MIPOL1: variants seen among roughly 807,000 people sequenced by gnomAD.
MIPOL1 encodes the protein mirror-image polydactyly 1, also known as mirror-image polydactyly gene 1 protein.
MIPOL1 carries 57 observed loss-of-function variants against 60.9 expected under a neutral mutation model. That is an observed-to-expected ratio of 0.94 (90% CI 0.76 to 1.17). MIPOL1 has a LOEUF of 1.17. Among genes scored for constraint, MIPOL1 ranks in the 50% most tolerant of loss-of-function variants. MIPOL1 has a pLI of 0.00. For missense variants in MIPOL1, 551 were observed against 511.6 expected (o/e 1.08, Z -0.74); for synonymous variants, 179 against 168.8 (o/e 1.06, Z -0.47).
chr14:37,440,686 A>G (rs1456126385), intron 11 of MIPOL1, among the ~76,000 whole-genome samples: 2 of 152,180 alleles, frequency 1.3e-5, no homozygotes, highest in Non-Finnish European at 2.9e-5. Flanking sequence ...TGATGGACAC[A>G]TAGGTTGACT....
intron 9 of MIPOL1, among the ~76,000 whole-genome samples, chr14:37,367,216 T>C (rs1411195920): frequency 6.6e-6 from 1 of 151,942 alleles, no homozygotes; most frequent in African/African-American, 2.4e-5. Flanking sequence ...CAGAGTTTAA[T>C]AAAAGTAAAA....
intron 1 of MIPOL1, among the ~76,000 whole-genome samples, chr14:37,226,993 C>T (rs969095599): frequency 1.3e-5 from 2 of 152,042 alleles, no homozygotes; most frequent in African/African-American, 4.8e-5. Context: ...TTGTAAGAAG[C>T]TGAAAATGTC....
At chr14:37,394,335 C>T (rs926759078) in intron 10 of MIPOL1, among the ~76,000 whole-genome samples, 1 of 151,604 alleles carries the variant, frequency 6.6e-6, no homozygotes, top group Non-Finnish European at 1.5e-5. Flanking sequence ...AAGGAATTTT[C>T]ACGCTGTTTT....
At chr14:37,200,204 C>T (rs1389190595) in intron 1 of MIPOL1, among the ~76,000 whole-genome samples, 1 of 152,178 alleles carries the variant, frequency 6.6e-6, no homozygotes, top group Non-Finnish European at 1.5e-5. Context: ...GTGTGAAGCT[C>T]GGACTACCTG....
chr14:37,436,730 C>T (rs886669851), intron 11 of MIPOL1, among the ~76,000 whole-genome samples: 2 of 152,276 alleles, frequency 1.3e-5, no homozygotes, highest in African/African-American at 2.4e-5. Flanking sequence ...GTCAGATATC[C>T]GGGACTTAAC....
intron 10 of MIPOL1, among the ~76,000 whole-genome samples, chr14:37,378,069 T>G (rs1196331163): frequency 6.6e-6 from 1 of 152,100 alleles, no homozygotes; most frequent in Admixed American, 6.6e-5. Flanking sequence ...GTGGAGAAAT[T>G]GAATCTTTCA....
chr14:37,310,290 A>C (rs1363623481), intron 9 of MIPOL1, among the ~76,000 whole-genome samples: 1 of 152,050 alleles, frequency 6.6e-6, no homozygotes, highest in African/African-American at 2.4e-5. Flanking sequence ...ACCAACTATT[A>C]ATATATTCAG....
chr14:37,204,060 A>T (rs1003977018), intron 1 of MIPOL1, among the ~76,000 whole-genome samples: 8 of 151,792 alleles, frequency 5.3e-5, no homozygotes, highest in African/African-American at 1.9e-4. Flanking sequence ...GGGATTACAG[A>T]CGTGAGCCAC....
At chr14:37,340,693 C>CA (rs34138949) in intron 9 of MIPOL1, among the ~76,000 whole-genome samples, 1,502 of 98,216 alleles carry the variant, frequency 0.015, 21 homozygotes, top group African/African-American at 0.047. Context: ...GACCCTGTCT[C>CA]AAAAAAAAAA....
intron 9 of MIPOL1, among the ~76,000 whole-genome samples, chr14:37,321,164 A>G (rs1319541828): frequency 6.6e-6 from 1 of 152,024 alleles, no homozygotes; most frequent in Non-Finnish European, 1.5e-5. Flanking sequence ...CAAGATTGGC[A>G]TCTTAGCAAT....
intron 11 of MIPOL1, among the ~76,000 whole-genome samples, chr14:37,456,760 T>C (rs979331743): frequency 2.6e-5 from 4 of 152,104 alleles, no homozygotes; most frequent in Non-Finnish European, 5.9e-5. Flanking sequence ...GACAGAGATA[T>C]TGAAGTACTA....
chr14:37,466,045 AACC>A (rs2094594536), intron 11 of MIPOL1, among the ~76,000 whole-genome samples: 1 of 152,208 alleles, frequency 6.6e-6, no homozygotes, highest in Non-Finnish European at 1.5e-5. Flanking sequence ...GGCAAAGCCC[AACC>A]TGTACTATGT....
At chr14:37,540,332 AT>A (rs1285094391) in intron 12 of MIPOL1, among the ~76,000 whole-genome samples, 4 of 151,630 alleles carry the variant, frequency 2.6e-5, no homozygotes, top group South Asian at 2.1e-4. Context: ...TATCAATTTC[AT>A]TTTTTTATAT....
chr14:37,423,251 T>G (rs1393181948), intron 11 of MIPOL1, among the ~76,000 whole-genome samples: 1 of 150,992 alleles, frequency 6.6e-6, no homozygotes, highest in African/African-American at 2.4e-5. Context: ...AAATATCACC[T>G]CTAAAACAAT....
intron 1 of MIPOL1, among the ~76,000 whole-genome samples, chr14:37,215,878 G>C (rs1233715582): frequency 1.6e-4 from 24 of 152,050 alleles, no homozygotes. Flanking sequence ...GAGCAGCCTG[G>C]CCGATGTGGT....
At chr14:37,209,075 C>T (rs144249634) in intron 1 of MIPOL1, among the ~76,000 whole-genome samples, 112 of 152,280 alleles carry the variant, frequency 7.4e-4, no homozygotes, top group African/African-American at 2.6e-3. Flanking sequence ...ACTTTATCTA[C>T]ATATCACTAG....
At chr14:37,283,427 A>C (rs2153408191) in intron 6 of MIPOL1, among the ~76,000 whole-genome samples, 1 of 152,276 alleles carries the variant, frequency 6.6e-6, no homozygotes, top group African/African-American at 2.4e-5. Flanking sequence ...ACTATTATTA[A>C]TATAATTGTG....
chr14:37,323,512 TTA>T (rs1235814272), intron 9 of MIPOL1, among the ~76,000 whole-genome samples: 1 of 151,792 alleles, frequency 6.6e-6, no homozygotes, highest in Non-Finnish European at 1.5e-5. Flanking sequence ...TTAGAGATTT[TTA>T]TGAGTGCTTT....
chr14:37,475,445 T>C (rs1383151349), intron 11 of MIPOL1, among the ~76,000 whole-genome samples: 1 of 152,152 alleles, frequency 6.6e-6, no homozygotes, highest in Non-Finnish European at 1.5e-5. Flanking sequence ...CTTACCTGTT[T>C]TTTTCTTTCA....
Sources: allele counts gnomAD v4.1 joint callset (sites outside exome capture counted in the v4.1 genomes callset), GRCh38; gene constraint gnomAD v4.1.1; transcripts MANE v1.5; gene names NCBI Gene and HGNC (gene_info 2026-07-23, HGNC 2026-07-21).